The following C2orf78 variants were observed in gnomAD, a reference collection of about 807,000 sequenced individuals.
C2orf78 encodes the protein chromosome 2 open reading frame 78, also known as uncharacterized protein C2orf78.
Under a neutral mutation model 21.4 loss-of-function variants are expected in C2orf78, and 12 were observed. That is an observed-to-expected ratio of 0.56 (90% confidence interval 0.36 to 0.91). The LOEUF (loss-of-function observed/expected upper bound fraction) is 0.91. C2orf78 is among the 40% of genes least tolerant of loss of function. The probability of loss-of-function intolerance (pLI) is 0.01; values close to 1 mark genes in which losing one functional copy is unlikely to be tolerated. For missense variants in C2orf78, 1,042 were observed against 1,092.4 expected (o/e 0.95, Z 0.65); for synonymous variants, 396 against 413.9 (o/e 0.96, Z 0.52).
At chr2:73,784,812 C>T (rs1247517925) in intron 1 of C2orf78, among the ~76,000 whole-genome samples, 2 of 151,420 alleles carry the variant, frequency 1.3e-5, no homozygotes, top group Admixed American at 6.6e-5. Context: ...GTAATAGCCT[C>T]CCTCCACTAA....
exon 3 of C2orf78, chr2:73,815,173 G>C: frequency 6.2e-7 from 1 of 1,613,970 alleles, no homozygotes; most frequent in Non-Finnish European, 8.5e-7. Context: ...TCCTTCAGTA[G>C]CAGAAATACC....
chr2:73,814,965 G>A, intron 2 of C2orf78, 106 bp from the exon 3 acceptor site: 1 of 1,099,010 alleles, frequency 9.1e-7, no homozygotes. Flanking sequence ...AGAAGAGCTA[G>A]TAGAAATGCC....
exon 3 of C2orf78, chr2:73,815,574 A>G: frequency 1.2e-6 from 2 of 1,613,988 alleles, no homozygotes; most frequent in Non-Finnish European, 1.7e-6. Context: ...GGTGGAGGAT[A>G]CTTACCTCCC....
In C2orf78 at chr2:73,816,032, C is replaced by T. The variant is rs765489357; in HGVS notation, c.1809C>T (p.Pro603=). ...AGGTAGAAGAGAAGCAAACCATTCCCAATATGAAACGGAAGAAAAATCAAC... is the reference window on the plus strand; with the variant it reads ...AGGTAGAAGAGAAGCAAACCATTCCTAATATGAAACGGAAGAAAAATCAAC... The change falls in exon 3 of 3, where the codon CCC becomes CCT. Residue 603 remains proline, a synonymous_variant. Coordinates refer to ENST00000409561, the Ensembl canonical transcript of C2orf78. The T allele has an allele frequency of 3.7e-6, 6 of 1,613,878 alleles. No homozygotes were observed. The South Asian group carries it at 6.6e-5, about 18-fold the overall frequency.
At chr2:73,785,707 T>G (rs1672911851) in intron 1 of C2orf78, among the ~76,000 whole-genome samples, 1 of 152,030 alleles carries the variant, frequency 6.6e-6, no homozygotes, top group Non-Finnish European at 1.5e-5. Context: ...GTTGCCTTTT[T>G]GAACATAGAT....
At chr2:73,812,998 TC>T (rs1420747638) in intron 1 of C2orf78, among the ~76,000 whole-genome samples, 12 of 152,304 alleles carry the variant, frequency 7.9e-5, no homozygotes, top group African/African-American at 2.6e-4. Flanking sequence ...GAGAAAAGAC[TC>T]CTGGCAAGGA....
chr2:73,807,979 G>A (rs1672991012), intron 1 of C2orf78, among the ~76,000 whole-genome samples: 1 of 151,094 alleles, frequency 6.6e-6, no homozygotes, highest in Non-Finnish European at 1.5e-5. Context: ...AGTAGGGCCG[G>A]GTGCGGTGGC....
chr2:73,785,812 C>G (rs969839005), intron 1 of C2orf78, among the ~76,000 whole-genome samples: 1 of 151,416 alleles, frequency 6.6e-6, no homozygotes, highest in Non-Finnish European at 1.5e-5. Flanking sequence ...TTTGGGAGGC[C>G]GAGGTGGGCT....
exon 2 of C2orf78, chr2:73,813,798 C>G (rs1296824714): frequency 2.5e-6 from 4 of 1,613,918 alleles, no homozygotes; most frequent in Non-Finnish European, 3.4e-6. Context: ...AAGAAGTCAT[C>G]CTCACTCAGG....
chr2:73,786,266 C>G lies in C2orf78; in HGVS notation c.97+1860C>G, dbSNP rs761442253. Among the ~76,000 whole-genome samples, 539 of 151,550 alleles carry G rather than the reference C, an allele frequency of 3.6e-3. 6 individuals carry two copies. Among genetic ancestry groups the G allele is most frequent in the African/African-American group, 0.012 (499 of 41,156 alleles). On this transcript the variant is annotated intron_variant, in intron 1 of 2. Transcript: ENST00000409561. ...GTGGTGGCGTGCACCTGTAATCCTC[C>G]TACTTGGGAGGCTCAGGCATCAGAA...
chr2:73,814,287 C>A (rs1350915880), intron 2 of C2orf78, 61 bp downstream of exon 2: 16 of 1,496,408 alleles, frequency 1.1e-5, no homozygotes, highest in Non-Finnish European at 1.4e-5. Context: ...AGGGTCAAAT[C>A]TGTAGCGAGT....
At chr2:73,811,538 T>C (rs1673089124) in intron 1 of C2orf78, among the ~76,000 whole-genome samples, 1 of 152,200 alleles carries the variant, frequency 6.6e-6, no homozygotes, top group Non-Finnish European at 1.5e-5. Flanking sequence ...TAATACTTTC[T>C]TCCAAAAACA....
chr2:73,814,175 G>A (rs1673147191), exon 2 of C2orf78: 2 of 1,605,932 alleles, frequency 1.2e-6, no homozygotes, highest in Non-Finnish European at 1.7e-6. Flanking sequence ...CTCTACTTCT[G>A]GGATGTATTA....
chr2:73,815,789 C>A (rs561782351), exon 3 of C2orf78: 3 of 1,613,668 alleles, frequency 1.9e-6, no homozygotes, highest in Admixed American at 1.7e-5. Flanking sequence ...AGCCAAAGAA[C>A]CCAGAGTGCC....
intron 1 of C2orf78, chr2:73,808,760 G>A: frequency 1.3e-6 from 2 of 1,518,694 alleles, no homozygotes; most frequent in Non-Finnish European, 1.8e-6. Context: ...ATCACAAGGG[G>A]CCAGTGACCA....
At chr2:73,784,733 T>G (rs1672892825) in intron 1 of C2orf78, among the ~76,000 whole-genome samples, 1 of 151,470 alleles carries the variant, frequency 6.6e-6, no homozygotes, top group Non-Finnish European at 1.5e-5. Flanking sequence ...GAGTGTTCAT[T>G]TCAACAGAAA....
In C2orf78 at chr2:73,816,499, C is replaced by G. The variant is rs1225891109; in HGVS notation, c.2276C>G (p.Ser759Ter). Residue 759 changes from serine (S) to a stop codon, truncating the protein, a stop_gained, in exon 3 of 3, where the codon TCA becomes TGA. Transcript: ENST00000409561. LOFTEE classifies it low-confidence loss of function (END_TRUNC). Reference sequence around the variant, plus strand: ...CCTGCTCGACCTGATTCTACTAACTCAGCTCAATCGAATGCAGTCAATCCA... The same window carrying G: ...CCTGCTCGACCTGATTCTACTAACTGAGCTCAATCGAATGCAGTCAATCCA... 3 of 1,613,874 alleles carry G rather than the reference C, an allele frequency of 1.9e-6. No homozygotes were observed. Among genetic ancestry groups the G allele is most frequent in the East Asian group, 2.2e-5 (1 of 44,900 alleles).
chr2:73,807,957 C>G (rs1379451592), intron 1 of C2orf78, among the ~76,000 whole-genome samples: 1 of 150,998 alleles, frequency 6.6e-6, no homozygotes, highest in Non-Finnish European at 1.5e-5. Context: ...TCCTTTGGCC[C>G]TTAAAATCGG....
intron 2 of C2orf78, 134 bp downstream of exon 2, chr2:73,814,360 C>G (rs1204499862): frequency 1.2e-5 from 12 of 1,017,590 alleles, no homozygotes; most frequent in Non-Finnish European, 1.3e-5. Context: ...TTTGGCAGTG[C>G]TCTCCATTTT....
Sources: gnomAD v4.1 joint callset for allele counts (sites outside exome capture counted in the v4.1 genomes callset) on GRCh38, gnomAD v4.1.1 for gene constraint, MANE v1.5 for transcripts, NCBI Gene and HGNC (gene_info 2026-07-23, HGNC 2026-07-21) for gene names.